The following SPTY2D1 variants were observed in gnomAD, a reference collection of about 807,000 sequenced individuals.
SPTY2D1 encodes protein SPT2 homolog.
Under a neutral mutation model 64.0 loss-of-function variants are expected in SPTY2D1, and 21 were observed. The observed-to-expected ratio is 0.33, with a 90% confidence interval of 0.23 to 0.47. The LOEUF (loss-of-function observed/expected upper bound fraction) is 0.47, where lower values mean the gene tolerates loss of function less well. Among genes scored for constraint, SPTY2D1 ranks in the 20% least tolerant of loss-of-function variants. The pLI, the probability that SPTY2D1 is intolerant of heterozygous loss-of-function variation, is 1.00. For synonymous variants in SPTY2D1, 287 were observed against 286.8 expected, an observed-to-expected ratio of 1.00 and a Z score of -0.01; for missense variants, 724 against 837.2, an observed-to-expected ratio of 0.86 and a Z score of 1.67.
Position 18,609,886 on chromosome 11 carries a change from C to G in SPTY2D1, c.2033G>C (p.Arg678Thr), listed in dbSNP as rs780374263. The G allele has an allele frequency of 6.2e-7, 1 of 1,614,190 alleles. No individual in the cohort carries two copies. Among genetic ancestry groups the G allele is most frequent in the East Asian group, 2.2e-5 (1 of 44,884 alleles). ...RREEEEMQRRRAKKLKRR is the reference protein window; with the variant it reads ...RREEEEMQRRTAKKLKRR ...CTAACGCCTCTTCAGCTTCTTGGCC[C>G]TTCGACGTTGCATTTCTTCTTCTTC... The change falls in exon 6 of 6, where the codon AGG becomes ACG. Residue 678 changes from arginine to threonine, a missense_variant. Coordinates refer to ENST00000336349, the MANE Select transcript of SPTY2D1 (RefSeq NM_194285.3).
intron 1 of SPTY2D1, among the ~76,000 whole-genome samples, chr11:18,630,742 G>C (rs1311313895): frequency 3.3e-5 from 5 of 152,230 alleles, no homozygotes; most frequent in Non-Finnish European, 7.3e-5. Context: ...GTGGTTCTCA[G>C]ATCAATTAAT....
chr11:18,616,758 C>T, intron 2 of SPTY2D1, 117 bp downstream of exon 2: 1 of 857,592 alleles, frequency 1.2e-6, no homozygotes, highest in Non-Finnish European at 1.8e-6. Flanking sequence ...CACACACACA[C>T]ACACCCTCCC....
intron 5 of SPTY2D1, 121 bp from the exon 6 acceptor site, chr11:18,610,075 A>G (rs7942526): frequency 0.032 from 25,952 of 801,672 alleles, 2,023 homozygotes; most frequent in African/African-American, 0.25. Flanking sequence ...AAAATGCCTC[A>G]AGGCTTTACC....
At chr11:18,633,106 G>A (rs1184958657) in intron 1 of SPTY2D1, among the ~76,000 whole-genome samples, 2 of 151,572 alleles carry the variant, frequency 1.3e-5, no homozygotes, top group Non-Finnish European at 2.9e-5. Context: ...CTGTGTGTGT[G>A]TATATATACA....
chr11:18,620,992 T>C (rs895145441), intron 1 of SPTY2D1, among the ~76,000 whole-genome samples: 1 of 151,826 alleles, frequency 6.6e-6, no homozygotes, highest in African/African-American at 2.4e-5. Flanking sequence ...CCAGGCCCTA[T>C]ATGTGCTGCT....
chr11:18,614,870 A>T lies in SPTY2D1; in HGVS notation c.1404T>A (p.Pro468=). Residue 468 remains proline, a synonymous_variant, in exon 3 of 6, where the codon CCT becomes CCA. Coordinates refer to ENST00000336349, the MANE Select transcript of SPTY2D1 (RefSeq NM_194285.3). ...PLGSSRGPGR[P]VSSPHELRRP... The stretch of plus-strand genomic sequence containing the variant: ...GTCGAAGTTCATGTGGACTGCTCAC[A>T]GGCCGGCCAGGGCCACGAGAGCTGC... 1.2e-6 allele frequency: 2 copies of T among 1,613,720 alleles called. No homozygotes were observed. The highest frequency in any genetic ancestry group is 8.5e-7 in the Non-Finnish European group (1 of 1,179,766).
At chr11:18,625,405 TC>T (rs1343213152) in intron 1 of SPTY2D1, among the ~76,000 whole-genome samples, 1 of 152,186 alleles carries the variant, frequency 6.6e-6, no homozygotes, top group Non-Finnish European at 1.5e-5. Context: ...CAGATAGGTG[TC>T]TCATGGAGTC....
intron 1 of SPTY2D1, among the ~76,000 whole-genome samples, chr11:18,631,267 C>T (rs73424468): frequency 0.021 from 3,221 of 152,330 alleles, 45 homozygotes; most frequent in African/African-American, 0.041. Context: ...AAGCTACCAT[C>T]GAAGTCAAGA....
At chr11:18,621,375 G>GA (rs1040232580) in intron 1 of SPTY2D1, among the ~76,000 whole-genome samples, 126 of 143,286 alleles carry the variant, frequency 8.8e-4, no homozygotes, top group Non-Finnish European at 1.6e-3. Flanking sequence ...GAAAAGAAAA[G>GA]AAACACTGAC....
rs1315466628 is a variant in SPTY2D1, at chr11:18,615,165, T to G, written c.1109A>C (p.Gln370Pro). The change falls in exon 3 of 6, where the codon CAG becomes CCG. Residue 370 changes from glutamine to proline, a missense_variant. Gln to Pro is a moderately conservative substitution (Grantham distance 76, BLOSUM62 -1). Around this residue, in one of 3 missense-constraint regions of SPTY2D1, gnomAD observed 426 missense variants for 431.8 expected, o/e 0.99. Coordinates refer to ENST00000336349, the MANE Select transcript of SPTY2D1 (RefSeq NM_194285.3). ...GGCTGAGCTAGAGCTGCTGCCTGGC[T>G]GCCTGACACCTGGACTCTTAGCCTT... ...HNKAKSPGVRQPGSSSSSAPG... is the reference protein window; with the variant it reads ...HNKAKSPGVRPPGSSSSSAPG... 21 of 1,614,102 alleles carry G rather than the reference T, an allele frequency of 1.3e-5. No homozygotes were observed. The highest frequency in any genetic ancestry group is 1.8e-5 in the Non-Finnish European group (21 of 1,180,036).
rs767264302 is a variant in SPTY2D1, at chr11:18,609,855, C to G, written c.*6G>C. 6.2e-7 allele frequency: 1 copy of G among 1,613,246 alleles called. No individual in the cohort carries two copies. The highest frequency in any genetic ancestry group is 1.3e-5 in the African/African-American group (1 of 74,876). On this transcript the variant is annotated 3_prime_UTR_variant, in exon 6 of 6. Transcript: ENST00000336349. ...CTCTAGAATTTCACAAAAATAAAAG[C>G]AGCAGCTAACGCCTCTTCAGCTTCT...
intron 3 of SPTY2D1, 82 bp downstream of exon 3, chr11:18,614,481 C>A: frequency 7.3e-7 from 1 of 1,374,818 alleles, no homozygotes; most frequent in South Asian, 1.3e-5. Flanking sequence ...ATGAGGGGTT[C>A]AAAGGGTCCC....
At chr11:18,626,051 C>T (rs149252189) in intron 1 of SPTY2D1, among the ~76,000 whole-genome samples, 3 of 152,216 alleles carry the variant, frequency 2.0e-5, no homozygotes, top group African/African-American at 4.8e-5. Context: ...AACGCCTGAC[C>T]TCATGATCCA....
chr11:18,617,856 G>A (rs968808506), intron 1 of SPTY2D1, among the ~76,000 whole-genome samples: 1 of 144,680 alleles, frequency 6.9e-6, no homozygotes, highest in Non-Finnish European at 1.5e-5. Context: ...GCAGGAGAAT[G>A]GCTTGAACCC....
intron 1 of SPTY2D1, among the ~76,000 whole-genome samples, chr11:18,629,244 T>G (rs934910682): frequency 6.6e-6 from 1 of 152,212 alleles, no homozygotes; most frequent in Non-Finnish European, 1.5e-5. Flanking sequence ...CTCGCGCCTG[T>G]AATTCCAGCA....
At chr11:18,634,076 A>C in intron 1 of SPTY2D1, 122 bp downstream of exon 1, 1 of 1,061,132 alleles carries the variant, frequency 9.4e-7, no homozygotes, top group East Asian at 2.4e-5. Flanking sequence ...AAAGGAAATA[A>C]GGCGTCCGGG....
chr11:18,634,192 A>C lies in SPTY2D1; in HGVS notation c.60+6T>G, dbSNP rs1288600901. 1.4e-5 allele frequency: 22 copies of C among 1,614,150 alleles called. No individual in the cohort carries two copies. The highest frequency in any genetic ancestry group is 1.9e-5 in the Non-Finnish European group (22 of 1,180,012). On this transcript the variant is annotated splice_donor_region_variant and intron_variant, in intron 1 of 5. Transcript: ENST00000336349. The stretch of plus-strand genomic sequence containing the variant: ...CCCCTACATTGATGCCCCAGCTGCT[A>C]CTTACCGGCACATTGTTGACACCTT...
Position 18,609,138 on chromosome 11 carries a change from A to G in SPTY2D1, c.*723T>C, listed in dbSNP as rs894138808. 1.3e-5 allele frequency: 2 copies of G among 152,254 alleles called. No homozygotes were observed. The highest frequency in any genetic ancestry group is 2.9e-5 in the Non-Finnish European group (2 of 68,034). The allele number at this position is 152,254 out of a possible 1,614,324, so 9.4% of individuals were successfully genotyped here. ...CAGCACAGTGACCTTGTCTTACACT[A>G]AAGCCAACATAACAGTAAATCTGAA... is the stretch of plus-strand genomic sequence containing the variant. On this transcript the variant is annotated 3_prime_UTR_variant, in exon 6 of 6. Coordinates refer to ENST00000336349, the MANE Select transcript of SPTY2D1 (RefSeq NM_194285.3).
In SPTY2D1 at chr11:18,615,515, G is replaced by A; in HGVS notation, c.759C>T (p.Ser253=). 1 of 1,614,208 alleles carries A rather than the reference G, an allele frequency of 6.2e-7. No homozygotes were observed. Among genetic ancestry groups the A allele is most frequent in the African/African-American group, 1.3e-5 (1 of 75,044 alleles). ...SKGSGDRHPS[S]KGMPLPHAEK... ...CAGCATGAGGAAGGGGCATTCCTTT[G>A]GAAGAAGGATGCCTGTCTCCAGAAC... The change falls in exon 3 of 6, where the codon TCC becomes TCT. Residue 253 remains serine (S), a synonymous_variant. Coordinates refer to ENST00000336349, the MANE Select transcript of SPTY2D1 (RefSeq NM_194285.3).
Sources: allele counts gnomAD v4.1 joint callset (sites outside exome capture counted in the v4.1 genomes callset), GRCh38; gene constraint gnomAD v4.1.1; regional missense constraint gnomAD v4.1.1; transcripts MANE v1.5; gene names NCBI Gene and HGNC (gene_info 2026-07-23, HGNC 2026-07-21).